The following ZBTB11 variants were observed in gnomAD, a reference collection of about 807,000 sequenced individuals.
The protein encoded by ZBTB11 is zinc finger and BTB domain containing 11, also known as zinc finger and BTB domain-containing protein 11.
A neutral mutation model predicts 113.1 loss-of-function variants in ZBTB11; 68 were observed. The observed-to-expected ratio is 0.60, with a 90% CI of 0.49 to 0.74. The LOEUF (loss-of-function observed/expected upper bound fraction) is 0.74. Among genes scored for constraint, ZBTB11 ranks in the 30% least tolerant of loss-of-function variants. The probability of loss-of-function intolerance (pLI) is 0.00; values close to 1 mark genes in which losing one functional copy is unlikely to be tolerated. For synonymous variants in ZBTB11, 518 were observed against 452.6 expected (o/e 1.14, Z -1.83); for missense variants, 1,104 against 1,279.4 (o/e 0.86, Z 2.09).
In ZBTB11 at chr3:101,676,916, G is replaced by A; in HGVS notation, c.-2C>T. The A allele has an allele frequency of 6.4e-7, 1 of 1,559,952 alleles. No individual in the cohort carries two copies. The highest frequency in any genetic ancestry group is 8.7e-7 in the Non-Finnish European group (1 of 1,148,790). Reference sequence around the variant, plus strand: ...CCGGTAGCTTTCCTCGCTTGACATCGCGGACCGCGGCTCCCTGAGGGCGCC... The same window carrying A: ...CCGGTAGCTTTCCTCGCTTGACATCACGGACCGCGGCTCCCTGAGGGCGCC... On this transcript the variant is annotated 5_prime_UTR_variant, in exon 1 of 11. Coordinates refer to ENST00000312938, the MANE Select transcript of ZBTB11 (RefSeq NM_014415.4).
At chr3:101,670,118 G>A (rs1319236456) in intron 3 of ZBTB11, among the ~76,000 whole-genome samples, 4 of 152,190 alleles carry the variant, frequency 2.6e-5, no homozygotes, top group Admixed American at 2.6e-4. Context: ...AGGAGCCACT[G>A]CGCCTGGCCG....
chr3:101,672,991 T>C (rs937530147), intron 1 of ZBTB11, among the ~76,000 whole-genome samples: 1 of 152,246 alleles, frequency 6.6e-6, no homozygotes, highest in Admixed American at 6.5e-5. Flanking sequence ...ACAGGACTAC[T>C]ACAAAACTTG....
chr3:101,674,914 G>C (rs977142284), intron 1 of ZBTB11, among the ~76,000 whole-genome samples: 1 of 152,086 alleles, frequency 6.6e-6, no homozygotes, highest in African/African-American at 2.4e-5. Context: ...TGTGACTTTT[G>C]TTGTGTTATT....
chr3:101,651,152 C>A lies in ZBTB11; in HGVS notation c.*14G>T, dbSNP rs1347840242. On this transcript the variant is annotated 3_prime_UTR_variant, in exon 11 of 11. Transcript: ENST00000312938. ...TACAAGAGATGTCACTTCTTTTTAT[C>A]TTCATTAACATACTCATTCTCCTCC... is the stretch of plus-strand genomic sequence containing the variant. The A allele has an allele frequency of 6.5e-7, 1 of 1,547,054 alleles. No homozygotes were observed.
chr3:101,657,841 TAAAA>T (rs751422811), intron 6 of ZBTB11, among the ~76,000 whole-genome samples: 26 of 144,774 alleles, frequency 1.8e-4, no homozygotes, highest in Non-Finnish European at 3.4e-4. Context: ...TATAAAAACT[TAAAA>T]AAAAAAAATT....
At chr3:101,675,084 GTATTAAGGTTT>G in intron 1 of ZBTB11, among the ~76,000 whole-genome samples, 1 of 152,326 alleles carries the variant, frequency 6.6e-6, no homozygotes, top group African/African-American at 2.4e-5. Flanking sequence ...AGGGAGATAA[GTATTAAGGTTT>G]TATGAAGGTT....
chr3:101,658,743 T>G (rs1194208403), intron 6 of ZBTB11, among the ~76,000 whole-genome samples: 1 of 152,118 alleles, frequency 6.6e-6, no homozygotes, highest in Admixed American at 6.6e-5. Context: ...TGGGGACTTG[T>G]GGGAAAGGGT....
intron 3 of ZBTB11, chr3:101,670,854 G>T: frequency 2.8e-6 from 1 of 353,416 alleles, no homozygotes; most frequent in South Asian, 6.4e-5. Context: ...TTGCACTTAT[G>T]GATTTCACTC....
chr3:101,656,077 A>G lies in ZBTB11; in HGVS notation c.2191+27T>C, dbSNP rs535884639. Reference sequence around the variant, plus strand: ...AATCATTAATAGTTTATGAAATGTAACTATGTCAATATAAATTTCTCATTA... The same window carrying G: ...AATCATTAATAGTTTATGAAATGTAGCTATGTCAATATAAATTTCTCATTA... On this transcript the variant is annotated intron_variant, in intron 7 of 10. Coordinates refer to ENST00000312938, the MANE Select transcript of ZBTB11 (RefSeq NM_014415.4). The G allele has an allele frequency of 1.1e-5, 16 of 1,452,576 alleles. No homozygotes were observed. The South Asian group carries it at 2.2e-4, about 20-fold the overall frequency. The allele number at this position is 1,452,576 out of a possible 1,614,324, so 90.0% of individuals were successfully genotyped here.
Position 101,654,771 on chromosome 3 carries a change from A to G in ZBTB11, c.2242T>C (p.Ser748Pro), listed in dbSNP as rs1194773911. The G allele has an allele frequency of 6.2e-7, 1 of 1,614,062 alleles. No individual in the cohort carries two copies. Among genetic ancestry groups the G allele is most frequent in the Non-Finnish European group, 8.5e-7 (1 of 1,180,036 alleles). Residue 748 changes from serine (S) to proline (P), a missense_variant, in exon 8 of 11, where the codon TCT (serine) becomes CCT (proline). Physicochemically the swap from Ser to Pro is moderately conservative, Grantham distance 74 (BLOSUM62 -1). Coordinates refer to ENST00000312938, the MANE Select transcript of ZBTB11 (RefSeq NM_014415.4). Reference protein sequence around the residue: ...SVCGKSFHRGSGLSKHFKKHQ... With the variant: ...SVCGKSFHRGPGLSKHFKKHQ... ...TTCTTGAAGTGCTTGCTGAGTCCAG[A>G]GCCCCTATGAAAAGACTTTCCACAA...
Position 101,665,234 on chromosome 3 carries a change from T to G in ZBTB11, c.1353A>C (p.Pro451=). 6.2e-7 allele frequency: 1 copy of G among 1,614,260 alleles called. No individual in the cohort carries two copies. Among genetic ancestry groups the G allele is most frequent in the African/African-American group, 1.3e-5 (1 of 75,074 alleles). ...TATCATTTCCCATACCACTATCCTC[T>G]GGCGAGCTACTAATTACATTCTCTT... ...LSKENVISSS[P]EDSGMGNDIS... is the part of the protein sequence containing the mutation. Residue 451 remains proline (P), a synonymous_variant, in exon 4 of 11, where the codon CCA becomes CCC. Transcript: ENST00000312938.
rs1251226624 is a variant in ZBTB11, at chr3:101,651,259, T to C, written c.3069A>G (p.Val1023=). The change falls in exon 11 of 11, where the codon GTA becomes GTG. Residue 1023 remains valine (V), a synonymous_variant. Coordinates refer to ENST00000312938, the MANE Select transcript of ZBTB11 (RefSeq NM_014415.4). ...DQSIMQVVNY[V]LAQQQGQKLS... ...GCTTCTGTCCTTGCTGTTGTGCTAA[T>C]ACATAATTAACCACTTGCATAATAC... 6.2e-7 allele frequency: 1 copy of C among 1,614,100 alleles called. No individual in the cohort carries two copies. Among genetic ancestry groups the C allele is most frequent in the Non-Finnish European group, 8.5e-7 (1 of 1,180,038 alleles).
chr3:101,675,684 T>A (rs1461715500), intron 1 of ZBTB11, among the ~76,000 whole-genome samples: 1 of 152,246 alleles, frequency 6.6e-6, no homozygotes, highest in African/African-American at 2.4e-5. Flanking sequence ...CAGAGCTGTA[T>A]TTTTTGACAA....
rs2108314904 is a variant in ZBTB11, at chr3:101,652,684, A to G, written c.2469-13T>C. On this transcript the variant is annotated splice_polypyrimidine_tract_variant and intron_variant, in intron 9 of 10. Coordinates refer to ENST00000312938, the MANE Select transcript of ZBTB11 (RefSeq NM_014415.4). ...ACATATATTACACCTAAAATAGGGG[A>G]AAAGACCCAATTATTTTGTCCAAAG... 1.2e-6 allele frequency: 2 copies of G among 1,612,626 alleles called. No homozygotes were observed. The highest frequency in any genetic ancestry group is 2.2e-5 in the East Asian group (1 of 44,856).
Position 101,665,636 on chromosome 3 carries a change from T to C in ZBTB11, c.951A>G (p.Thr317=), listed in dbSNP as rs1399326246. ...VHKLMEEKQL[T]VYKKGEVQTV... ...TTTGTACTTCGCCCTTCTTATATACTGTTAGCTGCTTCTCTTCCATTAGCT... is the reference window on the plus strand; with the variant it reads ...TTTGTACTTCGCCCTTCTTATATACCGTTAGCTGCTTCTCTTCCATTAGCT... The change falls in exon 4 of 11, where the codon ACA becomes ACG. Residue 317 remains threonine (T), a synonymous_variant. Coordinates refer to ENST00000312938, the MANE Select transcript of ZBTB11 (RefSeq NM_014415.4). The C allele has an allele frequency of 2.5e-6, 4 of 1,614,114 alleles. No homozygotes were observed. The highest frequency in any genetic ancestry group is 2.2e-5 in the East Asian group (1 of 44,904).
In ZBTB11 at chr3:101,676,760, C is replaced by T; in HGVS notation, c.155G>A (p.Arg52Gln). ...CGCGAAGGTCTTGCGGTGCCGCTGC[C>T]GCCGCTGGTAATACAGAGTCCCGCC... ...VRGGTLYYQR[R>Q]QRHRKTFAEL... The change falls in exon 1 of 11, where the codon CGG (arginine) becomes CAG (glutamine). Residue 52 changes from arginine to glutamine, a missense_variant. Physicochemically the swap from Arg to Gln is conservative, Grantham distance 43. Around this residue, in one of 5 missense-constraint regions of ZBTB11, gnomAD observed 245 missense variants for 272.5 expected, o/e 0.90. Coordinates refer to ENST00000312938, the MANE Select transcript of ZBTB11 (RefSeq NM_014415.4). 1 of 1,608,564 alleles carries T rather than the reference C, an allele frequency of 6.2e-7. No individual in the cohort carries two copies. The highest frequency in any genetic ancestry group is 8.5e-7 in the Non-Finnish European group (1 of 1,177,738).
intron 6 of ZBTB11, among the ~76,000 whole-genome samples, chr3:101,658,755 A>G (rs1936840067): frequency 6.6e-6 from 1 of 152,134 alleles, no homozygotes; most frequent in Non-Finnish European, 1.5e-5. Context: ...GGAAAGGGTG[A>G]GTTGGGGGTG....
intron 1 of ZBTB11, among the ~76,000 whole-genome samples, chr3:101,675,209 C>A (rs370363257): frequency 1.3e-5 from 2 of 152,186 alleles, no homozygotes; most frequent in African/African-American, 4.8e-5. Context: ...AGTATTAAAT[C>A]TGAGACATTT....
Position 101,651,493 on chromosome 3 carries a change from A to G in ZBTB11, c.2835T>C (p.Ile945=). Residue 945 remains isoleucine (I), a synonymous_variant, in exon 11 of 11, where the codon ATT becomes ATC. Coordinates refer to ENST00000312938, the MANE Select transcript of ZBTB11 (RefSeq NM_014415.4). ...KFHRDYVPCK[I]MLEKDTLQFH... ...ACTGAAGGGTGTCTTTTTCCAGCATAATTTTGCAAGGCACATAGTCTCTGT... is the reference window on the plus strand; with the variant it reads ...ACTGAAGGGTGTCTTTTTCCAGCATGATTTTGCAAGGCACATAGTCTCTGT... 10 of 1,614,116 alleles carry G rather than the reference A, an allele frequency of 6.2e-6. No homozygotes were observed. The highest frequency in any genetic ancestry group is 8.5e-6 in the Non-Finnish European group (10 of 1,180,026).
Sources: gnomAD v4.1 joint callset for allele counts (sites outside exome capture counted in the v4.1 genomes callset) on GRCh38, gnomAD v4.1.1 for gene constraint, gnomAD v4.1.1 regional missense constraint, MANE v1.5 for transcripts, NCBI Gene and HGNC (gene_info 2026-07-23, HGNC 2026-07-21) for gene names.